GOLGA6L9: variants seen among roughly 807,000 people sequenced by gnomAD.
The protein encoded by GOLGA6L9 is golgin subfamily A member 6-like protein 9.
GOLGA6L9 carries 19 observed loss-of-function variants against 51.3 expected under a neutral mutation model. The observed-to-expected ratio is 0.37, with a 90% CI of 0.26 to 0.54. The LOEUF is 0.54. Among genes scored for constraint, GOLGA6L9 ranks in the 20% least tolerant of loss-of-function variants. The pLI is 0.83. For missense variants in GOLGA6L9, 247 were observed against 464.1 expected, an observed-to-expected ratio of 0.53 and a Z score of 4.30; for synonymous variants, 97 against 184.2, an observed-to-expected ratio of 0.53 and a Z score of 3.83.
At chr15:82,421,975 GAAAT>G in the GOLGA6L9 span, among the ~76,000 whole-genome samples, 1 of 53,314 alleles carries the variant, frequency 1.9e-5, no homozygotes, top group Non-Finnish European at 3.1e-5. Flanking sequence ...AGAATAAAAT[GAAAT>G]AAAGAAATAA....
At chr15:82,419,746 C>T in the GOLGA6L9 span, among the ~76,000 whole-genome samples, 3 of 152,132 alleles carry the variant, frequency 2.0e-5, no homozygotes, top group Admixed American at 6.5e-5. Flanking sequence ...CTAGGATAGG[C>T]GTTAACAGTG....
At chr15:82,435,361 C>G in intron 7 of GOLGA6L9, 1 of 331,900 alleles carries the variant, frequency 3.0e-6, no homozygotes. Context: ...TAATAATTAG[C>G]CAGGCCTGGT....
chr15:82,427,310 T>G (rs2031227462), upstream of GOLGA6L9, among the ~76,000 whole-genome samples: 4 of 137,548 alleles, frequency 2.9e-5, no homozygotes, highest in Admixed American at 7.3e-5. Flanking sequence ...TCCCTCCCTC[T>G]CTTTCTTTCC....
At chr15:82,417,110 G>A in the GOLGA6L9 span, among the ~76,000 whole-genome samples, 1 of 152,250 alleles carries the variant, frequency 6.6e-6, no homozygotes, top group South Asian at 2.1e-4. Context: ...ACAAAATGTG[G>A]CATTTTGTAA....
At chr15:82,425,810 GGTATA>G (rs2031202464), upstream of GOLGA6L9, among the ~76,000 whole-genome samples, 1 of 137,520 alleles carries the variant, frequency 7.3e-6, no homozygotes, top group Non-Finnish European at 1.6e-5. Flanking sequence ...AACAAGGAAT[GGTATA>G]GTATGTATGG....
Position 82,429,900 on chromosome 15 carries a change from G to A in GOLGA6L9, c.-180G>A, listed in dbSNP as rs1382508434. 2.1e-5 allele frequency: 17 copies of A among 796,320 alleles called. No homozygotes were observed. Among genetic ancestry groups the A allele is most frequent in the Admixed American group, 1.9e-4 (11 of 57,526 alleles). 49.3% of individuals were successfully genotyped at this position (796,320 alleles called of 1,614,324 possible). ...TGCTACAGGTCCCTCTGGACATGCT[G>A]CGCCTGGCCACGCCTCCTTTCCCTT... On this transcript the variant is annotated 5_prime_UTR_variant, in exon 1 of 9. Transcript: ENST00000618348.
rs2150835077 is a variant in GOLGA6L9, at chr15:82,439,133, A to G, written c.*2722A>G. 1 of 151,564 alleles carries G rather than the reference A, an allele frequency of 6.6e-6. No homozygotes were observed. Among genetic ancestry groups the G allele is most frequent in the Non-Finnish European group, 1.5e-5 (1 of 67,916 alleles). The allele number at this position is 151,564 out of a possible 1,614,324, so 9.4% of individuals were successfully genotyped here. On this transcript the variant is annotated 3_prime_UTR_variant, in exon 9 of 9. Coordinates refer to ENST00000618348, the MANE Select transcript of GOLGA6L9 (RefSeq NM_198181.4). ...TGTAATACATTATTAAATTGTTTCA[A>G]GGTGCTGTTTTGCCTAAAAATTTTG...
chr15:82,416,322 AT>A, the GOLGA6L9 span, among the ~76,000 whole-genome samples: 22 of 150,748 alleles, frequency 1.5e-4, no homozygotes, highest in African/African-American at 2.4e-5. Context: ...TTGGTGACAG[AT>A]TTTTTTTTTC....
In GOLGA6L9 at chr15:82,436,696, T is replaced by A. The variant is rs2031703802; in HGVS notation, c.*285T>A. 1 of 228,560 alleles carries A rather than the reference T, an allele frequency of 4.4e-6. No individual in the cohort carries two copies. The highest frequency in any genetic ancestry group is 2.4e-5 in the African/African-American group (1 of 41,592). 14.2% of individuals were successfully genotyped at this position (228,560 alleles called of 1,614,324 possible). A position where few individuals can be genotyped will look rare whatever the true frequency, so the allele number is the denominator to read the frequency against. On this transcript the variant is annotated 3_prime_UTR_variant, in exon 9 of 9. Coordinates refer to ENST00000618348, the MANE Select transcript of GOLGA6L9 (RefSeq NM_198181.4). ...AATGAGAGTGGGTCTTTCTCTCATG[T>A]TCACTCTGGCATCTTTTAGCATTTC...
At position 82,438,208 on chromosome 15, in the gene GOLGA6L9, C is replaced by G; in HGVS notation, c.*1797C>G. 1 of 148,064 alleles carries G rather than the reference C, an allele frequency of 6.8e-6. No homozygotes were observed. The highest frequency in any genetic ancestry group is 1.5e-5 in the Non-Finnish European group (1 of 66,886). 9.2% of individuals were successfully genotyped at this position (148,064 alleles called of 1,614,324 possible). ...AAATCGCTTCACTTTTACCCTGACA[C>G]GTATAAATGACTAGGAATGACCTTC... On this transcript the variant is annotated 3_prime_UTR_variant, in exon 9 of 9. Coordinates refer to ENST00000618348, the MANE Select transcript of GOLGA6L9 (RefSeq NM_198181.4).
chr15:82,429,700 TAC>T (rs1185012904), upstream of GOLGA6L9, among the ~76,000 whole-genome samples: 5 of 152,176 alleles, frequency 3.3e-5, no homozygotes, highest in Admixed American at 3.3e-4. Flanking sequence ...AACACATAGA[TAC>T]ACACAGACAC....
chr15:82,419,652 AAAAACAAAAC>A, the GOLGA6L9 span, among the ~76,000 whole-genome samples: 3 of 152,172 alleles, frequency 2.0e-5, no homozygotes, highest in African/African-American at 2.4e-5. Context: ...TCCATCTCAA[AAAAACAAAAC>A]AAAACAAAAC....
chr15:82,419,402 A>C, the GOLGA6L9 span: 1 of 153,064 alleles, frequency 6.5e-6, no homozygotes, highest in Non-Finnish European at 1.4e-5. Context: ...GTATCCCAGC[A>C]GTTTGGGAGG....
chr15:82,430,687 A>G, intron 1 of GOLGA6L9: 1 of 8,018 alleles, frequency 1.2e-4, no homozygotes, highest in Admixed American at 4.7e-4. Context: ...CGACTCGGGC[A>G]TCGCGCTGAT....
At chr15:82,424,403 A>G in the GOLGA6L9 span, among the ~76,000 whole-genome samples, 3 of 152,162 alleles carry the variant, frequency 2.0e-5, no homozygotes, top group South Asian at 6.2e-4. Context: ...GGTAAGTAGA[A>G]ATTTTTTCCA....
chr15:82,429,205 G>C (rs2031307755), upstream of GOLGA6L9, among the ~76,000 whole-genome samples: 1 of 151,544 alleles, frequency 6.6e-6, no homozygotes, highest in African/African-American at 2.4e-5. Flanking sequence ...CTCCCAAATA[G>C]CTGGGATTAC....
chr15:82,419,613 G>A, the GOLGA6L9 span, among the ~76,000 whole-genome samples: 22 of 151,990 alleles, frequency 1.4e-4, no homozygotes, highest in African/African-American at 5.1e-4. Flanking sequence ...TGGTGCCACC[G>A]CACTCCAGCC....
chr15:82,416,835 T>C, the GOLGA6L9 span, among the ~76,000 whole-genome samples: 1 of 152,212 alleles, frequency 6.6e-6, no homozygotes, highest in Admixed American at 6.5e-5. Context: ...CCCAAACATT[T>C]TTTAAACTAT....
the GOLGA6L9 span, among the ~76,000 whole-genome samples, chr15:82,418,313 G>A: frequency 2.6e-5 from 4 of 152,152 alleles, no homozygotes; most frequent in South Asian, 2.1e-4. Context: ...GGGAAATACA[G>A]CATTTGGAAG....
Sources: gnomAD v4.1 joint callset for allele counts (sites outside exome capture counted in the v4.1 genomes callset) on GRCh38, gnomAD v4.1.1 for gene constraint, MANE v1.5 for transcripts, NCBI Gene and HGNC (gene_info 2026-07-23, HGNC 2026-07-21) for gene names.